Variants in AGBL1 observed in about 807,000 individuals in gnomAD.
AGBL1 encodes the protein cytosolic carboxypeptidase 4.
A neutral mutation model predicts 118.9 loss-of-function variants in AGBL1; 130 were observed. The ratio of observed to expected loss-of-function variants is 1.09; its 90% CI spans 0.95 to 1.26. The LOEUF is 1.26. Ranked by LOEUF, AGBL1 falls within the 50% of genes most tolerant of loss-of-function variation. The probability of loss-of-function intolerance (pLI) is 0.00; values close to 1 mark genes in which losing one functional copy is unlikely to be tolerated. For missense variants in AGBL1, 1,584 were observed against 1,298.1 expected (o/e 1.22, Z -3.38); for synonymous variants, 555 against 478.9 (o/e 1.16, Z -2.08).
intron 21 of AGBL1, among the ~76,000 whole-genome samples, chr15:86,572,652 G>T (rs968474882): frequency 6.6e-6 from 1 of 152,206 alleles, no homozygotes; most frequent in Non-Finnish European, 1.5e-5. Context: ...GTCACGCAAT[G>T]TTGGGGGCGG....
intron 17 of AGBL1, among the ~76,000 whole-genome samples, chr15:86,304,119 C>T (rs2079798933): frequency 6.6e-6 from 1 of 152,114 alleles, no homozygotes; most frequent in Non-Finnish European, 1.5e-5. Flanking sequence ...ATGTTCTAGG[C>T]TCCTCCAATG....
chr15:86,144,177 A>T (rs1283006853), intron 3 of AGBL1, among the ~76,000 whole-genome samples: 2 of 152,226 alleles, frequency 1.3e-5, no homozygotes, highest in East Asian at 3.8e-4. Flanking sequence ...AAGTTGCATC[A>T]CAAGGTTGTG....
At chr15:86,684,874 CA>C (rs1413576165) in intron 22 of AGBL1, among the ~76,000 whole-genome samples, 1 of 152,052 alleles carries the variant, frequency 6.6e-6, no homozygotes, top group Non-Finnish European at 1.5e-5. Flanking sequence ...ATTCAAGATA[CA>C]AAAGGCAAAG....
intron 18 of AGBL1, among the ~76,000 whole-genome samples, chr15:86,468,646 C>T (rs1471947170): frequency 6.6e-6 from 1 of 152,180 alleles, no homozygotes; most frequent in Admixed American, 6.5e-5. Flanking sequence ...GGACTAAACA[C>T]TGACTAATAA....
chr15:86,870,656 C>A (rs1204607070), intron 22 of AGBL1, among the ~76,000 whole-genome samples: 1 of 151,184 alleles, frequency 6.6e-6, no homozygotes, highest in Admixed American at 6.6e-5. Flanking sequence ...ATATGGAAAG[C>A]AAGAAAGGAG....
intron 1 of AGBL1, chr15:86,140,011 A>G (rs1327282904): frequency 5.9e-6 from 1 of 169,230 alleles, no homozygotes; most frequent in Non-Finnish European, 1.3e-5. Flanking sequence ...TGGGCGGGAC[A>G]TGATGTGGAG....
chr15:86,956,968 AAAT>A (rs140663592), intron 23 of AGBL1, among the ~76,000 whole-genome samples: 1,885 of 152,258 alleles, frequency 0.012, 35 homozygotes, highest in African/African-American at 0.043. Flanking sequence ...AGATTGTTGA[AAAT>A]AAAGTGCATG....
At chr15:86,262,683 C>T (rs1312828931) in intron 9 of AGBL1, 95 bp from the exon 10 acceptor site, 5 of 844,490 alleles carry the variant, frequency 5.9e-6, no homozygotes, top group South Asian at 1.4e-5. Flanking sequence ...AAAACCATGT[C>T]CTAAGATTCT....
chr15:86,491,982 G>C (rs1467486791), intron 18 of AGBL1, among the ~76,000 whole-genome samples: 1 of 152,028 alleles, frequency 6.6e-6, no homozygotes, highest in South Asian at 2.1e-4. Context: ...GATTTATCTT[G>C]GTTCTCACAA....
At chr15:86,958,464 A>T (rs973498200) in intron 23 of AGBL1, among the ~76,000 whole-genome samples, 2 of 152,122 alleles carry the variant, frequency 1.3e-5, no homozygotes, top group Admixed American at 6.6e-5. Context: ...AAAAAGAAAC[A>T]TGAATCAGAC....
chr15:86,893,417 A>G (rs1441712518), intron 22 of AGBL1, among the ~76,000 whole-genome samples: 2 of 152,166 alleles, frequency 1.3e-5, no homozygotes. Flanking sequence ...GGTTTTGTTC[A>G]CCCTGTTAGC....
chr15:86,929,253 T>C (rs568719676), intron 23 of AGBL1, among the ~76,000 whole-genome samples: 1 of 152,254 alleles, frequency 6.6e-6, no homozygotes, highest in African/African-American at 2.4e-5. Context: ...TAGTGACATC[T>C]GGTCTGGCTT....
chr15:86,102,369 C>G (rs575063303), intron 1 of AGBL1, among the ~76,000 whole-genome samples: 1 of 152,162 alleles, frequency 6.6e-6, no homozygotes, highest in South Asian at 2.1e-4. Flanking sequence ...TGTGTGTTTG[C>G]TCTGCCAGTG....
At chr15:86,828,574 G>A (rs996828562) in intron 22 of AGBL1, among the ~76,000 whole-genome samples, 6 of 152,086 alleles carry the variant, frequency 3.9e-5, no homozygotes, top group East Asian at 1.9e-4. Context: ...AACACCAGGG[G>A]TCTCTAGAAG....
chr15:86,242,086 A>G (rs1285221041), intron 6 of AGBL1, among the ~76,000 whole-genome samples: 5 of 152,186 alleles, frequency 3.3e-5, no homozygotes, highest in African/African-American at 1.2e-4. Context: ...CTTGCCTGCC[A>G]CCATGTAAAA....
At chr15:86,818,077 A>T (rs1230397759) in intron 22 of AGBL1, among the ~76,000 whole-genome samples, 1 of 151,956 alleles carries the variant, frequency 6.6e-6, no homozygotes, top group African/African-American at 2.4e-5. Flanking sequence ...GCTATTAAAT[A>T]AGGCAAGTTT....
At chr15:86,349,396 C>G (rs986113853) in intron 17 of AGBL1, among the ~76,000 whole-genome samples, 7 of 152,150 alleles carry the variant, frequency 4.6e-5, no homozygotes, top group Admixed American at 1.3e-4. Context: ...TGCTATAGAT[C>G]TTAAGTCTAT....
At chr15:86,858,894 C>A (rs528311460) in intron 22 of AGBL1, among the ~76,000 whole-genome samples, 3 of 152,268 alleles carry the variant, frequency 2.0e-5, no homozygotes, top group Admixed American at 2.0e-4. Context: ...GTTGTATTAT[C>A]TTTAATCCTT....
intron 22 of AGBL1, among the ~76,000 whole-genome samples, chr15:86,763,465 A>G (rs1025450440): frequency 6.6e-6 from 1 of 152,026 alleles, no homozygotes; most frequent in African/African-American, 2.4e-5. Context: ...AAAAAAACAC[A>G]TATTTAAAGA....
Sources: allele counts gnomAD v4.1 joint callset (sites outside exome capture counted in the v4.1 genomes callset), GRCh38; gene constraint gnomAD v4.1.1; transcripts MANE v1.5; gene names NCBI Gene and HGNC (gene_info 2026-07-23, HGNC 2026-07-21).